Variants in OPCML observed in about 807,000 individuals in gnomAD.
The protein encoded by OPCML is opioid-binding protein/cell adhesion molecule.
Under a neutral mutation model 37.8 loss-of-function variants are expected in OPCML, and 13 were observed. That is an observed-to-expected ratio of 0.34 (90% CI 0.22 to 0.55). OPCML has a LOEUF of 0.55. OPCML is among the 20% of genes least tolerant of loss of function. The probability of loss-of-function intolerance (pLI) is 0.91; values close to 1 mark genes in which losing one functional copy is unlikely to be tolerated. For synonymous variants in OPCML, 176 were observed against 168.8 expected (o/e 1.04, Z -0.33); for missense variants, 341 against 435.6 (o/e 0.78, Z 1.93).
chr11:132,539,239 C>A (rs761888796), intron 3 of OPCML, among the ~76,000 whole-genome samples: 4 of 152,102 alleles, frequency 2.6e-5, no homozygotes, highest in African/African-American at 4.8e-5. Context: ...TCCATGATAG[C>A]CCATACTAGG....
intron 2 of OPCML, among the ~76,000 whole-genome samples, chr11:132,814,967 A>G (rs1007409962): frequency 1.3e-5 from 2 of 152,282 alleles, no homozygotes; most frequent in East Asian, 3.9e-4. Flanking sequence ...TAGAAAAAAA[A>G]TAAGTTACAG....
chr11:132,742,936 C>T (rs1261640354), intron 2 of OPCML, among the ~76,000 whole-genome samples: 1 of 151,952 alleles, frequency 6.6e-6, no homozygotes, highest in African/African-American at 2.4e-5. Flanking sequence ...CAGGTTGAGT[C>T]GGAATTCCAG....
chr11:132,811,683 C>T (rs143518913), intron 2 of OPCML, among the ~76,000 whole-genome samples: 2,441 of 152,286 alleles, frequency 0.016, 27 homozygotes, highest in Middle Eastern at 0.027. Context: ...CCCCCAACAG[C>T]CTGCTGCCTT....
At chr11:132,951,437 G>A (rs1287750134) in intron 1 of OPCML, among the ~76,000 whole-genome samples, 1 of 152,146 alleles carries the variant, frequency 6.6e-6, no homozygotes, top group Admixed American at 6.6e-5. Context: ...AATTCTAAGG[G>A]ATTAGGGCCC....
At chr11:133,451,134 A>T (rs1177299674) in intron 1 of OPCML, among the ~76,000 whole-genome samples, 1 of 151,770 alleles carries the variant, frequency 6.6e-6, no homozygotes, top group Non-Finnish European at 1.5e-5. Flanking sequence ...AGAGAAATCC[A>T]TGTTTAAAAA....
intron 2 of OPCML, among the ~76,000 whole-genome samples, chr11:132,797,134 C>A (rs1200455488): frequency 6.6e-6 from 1 of 152,076 alleles, no homozygotes; most frequent in Admixed American, 6.6e-5. Context: ...TTACCTTTTT[C>A]TTTTGTCACT....
In OPCML at chr11:133,186,831, G is replaced by C. The variant is rs1462013051; in HGVS notation, c.62-243821C>G. 3.9e-5 allele frequency among the ~76,000 whole-genome samples: 6 copies of C among 152,156 alleles called. No individual in the cohort carries two copies. The East Asian group carries it at 1.2e-3, about 29-fold the overall frequency. On this transcript the variant is annotated intron_variant, in intron 1 of 7. Coordinates refer to ENST00000524381, the MANE Select transcript of OPCML (RefSeq NM_001012393.5). ...CTGACTGGTGCTCAGTGTGGGCAAA[G>C]TTTTCCAGCAGAGGAGGGTGAGGGA...
chr11:133,319,999 C>T (rs896662574), intron 1 of OPCML, among the ~76,000 whole-genome samples: 1 of 152,214 alleles, frequency 6.6e-6, no homozygotes, highest in Non-Finnish European at 1.5e-5. Context: ...ATTGTAGAAA[C>T]TGGATCTGAC....
At chr11:132,523,539 G>C (rs1458262183) in intron 4 of OPCML, among the ~76,000 whole-genome samples, 1 of 152,140 alleles carries the variant, frequency 6.6e-6, no homozygotes, top group Non-Finnish European at 1.5e-5. Flanking sequence ...AAATGCGGCT[G>C]CTAAAAGACA....
intron 1 of OPCML, among the ~76,000 whole-genome samples, chr11:133,287,513 T>C (rs568688762): frequency 1.2e-4 from 18 of 146,454 alleles, no homozygotes; most frequent in African/African-American, 4.6e-4. Flanking sequence ...AGATATTGAC[T>C]CTGATTTCTT....
At chr11:132,816,778 A>G (rs1486288209) in intron 2 of OPCML, among the ~76,000 whole-genome samples, 2 of 152,190 alleles carry the variant, frequency 1.3e-5, no homozygotes, top group Admixed American at 1.3e-4. Context: ...GATAGAGATA[A>G]CAACTCTTCT....
chr11:133,169,389 T>A (rs1950258188), intron 1 of OPCML, among the ~76,000 whole-genome samples: 1 of 152,160 alleles, frequency 6.6e-6, no homozygotes, highest in South Asian at 2.1e-4. Flanking sequence ...ATAAATAGCA[T>A]GCACAGATGA....
intron 2 of OPCML, among the ~76,000 whole-genome samples, chr11:132,854,111 G>C (rs1411801158): frequency 6.6e-6 from 1 of 152,156 alleles, no homozygotes; most frequent in African/African-American, 2.4e-5. Context: ...AATCCCCTTG[G>C]GGCAGATTTG....
intron 2 of OPCML, among the ~76,000 whole-genome samples, chr11:132,930,581 C>A (rs1945164122): frequency 6.6e-6 from 1 of 151,958 alleles, no homozygotes; most frequent in Admixed American, 6.6e-5. Flanking sequence ...AATAAACAAT[C>A]TGAAAACATA....
At chr11:132,971,300 A>G (rs1340931070) in intron 1 of OPCML, among the ~76,000 whole-genome samples, 1 of 152,204 alleles carries the variant, frequency 6.6e-6, no homozygotes, top group East Asian at 1.9e-4. Flanking sequence ...TGGCTTTCAT[A>G]CAGTTTGCTG....
chr11:133,386,537 G>A (rs1156841833), intron 1 of OPCML, among the ~76,000 whole-genome samples: 4 of 152,132 alleles, frequency 2.6e-5, no homozygotes, highest in Admixed American at 6.5e-5. Context: ...GTGGGTCTCT[G>A]CAGTCTGAGA....
intron 3 of OPCML, among the ~76,000 whole-genome samples, chr11:132,636,165 T>C (rs1022407727): frequency 2.2e-4 from 34 of 152,294 alleles, no homozygotes; most frequent in African/African-American, 7.7e-4. Context: ...TTTAATAAAA[T>C]TGTTCTAAAT....
intron 2 of OPCML, among the ~76,000 whole-genome samples, chr11:132,745,483 T>C (rs186303064): frequency 1.5e-3 from 216 of 147,664 alleles, no homozygotes; most frequent in Middle Eastern, 3.8e-3. Context: ...TTATCCAGCA[T>C]CCATGTAACC....
intron 1 of OPCML, among the ~76,000 whole-genome samples, chr11:133,413,085 C>G (rs567712289): frequency 1.3e-5 from 2 of 152,068 alleles, no homozygotes; most frequent in South Asian, 4.2e-4. Context: ...GACCAGGACA[C>G]GGGACTGTAA....
Sources: allele counts gnomAD v4.1 joint callset (sites outside exome capture counted in the v4.1 genomes callset), GRCh38; gene constraint gnomAD v4.1.1; transcripts MANE v1.5; gene names NCBI Gene and HGNC (gene_info 2026-07-23, HGNC 2026-07-21).